IRF2: variants seen among roughly 807,000 people sequenced by gnomAD.
IRF2 encodes the protein interferon regulatory factor 2.
IRF2 carries 15 observed loss-of-function variants against 40.6 expected under a neutral mutation model. The ratio of observed to expected loss-of-function variants is 0.37; its 90% confidence interval spans 0.25 to 0.57. IRF2 has a LOEUF of 0.57. IRF2 is among the 20% of genes least tolerant of loss of function. The pLI, the probability that IRF2 is intolerant of heterozygous loss-of-function variation, is 0.77. For synonymous variants in IRF2, 151 were observed against 165.5 expected, an observed-to-expected ratio of 0.91 and a Z score of 0.67; for missense variants, 317 against 455.7, an observed-to-expected ratio of 0.70 and a Z score of 2.77.
chr4:184,424,558 G>A (rs549628148), intron 2 of IRF2, among the ~76,000 whole-genome samples: 3 of 152,274 alleles, frequency 2.0e-5, no homozygotes, highest in African/African-American at 4.8e-5. Flanking sequence ...TAGCACGTGA[G>A]CATGCTCTTT....
intron 5 of IRF2, among the ~76,000 whole-genome samples, chr4:184,416,362 G>A (rs1291681914): frequency 2.2e-5 from 3 of 135,510 alleles, no homozygotes; most frequent in African/African-American, 5.6e-5. Flanking sequence ...AAAACTGTGA[G>A]AAACGATATG....
At chr4:184,459,052 G>A (rs1429189844) in intron 1 of IRF2, among the ~76,000 whole-genome samples, 2 of 151,784 alleles carry the variant, frequency 1.3e-5, no homozygotes, top group Non-Finnish European at 2.9e-5. Context: ...ATGTTACTCT[G>A]AGGCTGTTTT....
At position 184,474,533 on chromosome 4, in the gene IRF2, A is replaced by T. The variant is rs539791454; in HGVS notation, c.-161T>A. 6.6e-6 allele frequency: 1 copy of T among 152,638 alleles called. No individual in the cohort carries two copies. Among genetic ancestry groups the T allele is most frequent in the Non-Finnish European group, 1.5e-5 (1 of 68,280 alleles). 9.5% of individuals were successfully genotyped at this position (152,638 alleles called of 1,614,324 possible). ...GCTTGCCTGAGAACAGTCCAGATCG[A>T]AAGCAAAACAAGGAGAGGAAACTGC... On this transcript the variant is annotated 5_prime_UTR_variant, in exon 1 of 9. Transcript: ENST00000393593. This position sits in a 1 kb window ranked among gnomAD's most constrained non-coding sequence, Gnocchi z 5.6.
At chr4:184,398,164 C>A (rs544203783) in intron 7 of IRF2, among the ~76,000 whole-genome samples, 1 of 152,316 alleles carries the variant, frequency 6.6e-6, no homozygotes, top group South Asian at 2.1e-4. Context: ...CAAACACTTG[C>A]TGACTGTACG....
intron 1 of IRF2, among the ~76,000 whole-genome samples, chr4:184,444,675 T>C (rs931204143): frequency 1.3e-5 from 2 of 152,248 alleles, no homozygotes; most frequent in African/African-American, 4.8e-5. Flanking sequence ...GTATTGGGAC[T>C]ACAGCAGATT....
intron 1 of IRF2, among the ~76,000 whole-genome samples, chr4:184,457,847 T>C (rs535813834): frequency 1.8e-4 from 23 of 125,268 alleles, no homozygotes; most frequent in African/African-American, 5.8e-4. Flanking sequence ...TCAAAAACCT[T>C]CCAAAAAAAA....
rs1554014184 is a variant in IRF2 at position 184,419,570 on chromosome 4, T to TG, written c.88-3dup. ...GGGGATCTGAAAAATCTTCTTTTCC[T>TG]GAAAAAAAAAAAAAAAAAAAAGGTA... On this transcript the variant is annotated splice_polypyrimidine_tract_variant and splice_region_variant and intron_variant, in intron 2 of 8. Coordinates refer to ENST00000393593, the MANE Select transcript of IRF2 (RefSeq NM_002199.4). 5 of 820,054 alleles carry TG rather than the reference T, an allele frequency of 6.1e-6. No individual in the cohort carries two copies. The highest frequency in any genetic ancestry group is 5.6e-5 in the South Asian group (3 of 53,584). The allele number at this position is 820,054 out of a possible 1,614,324, so 50.8% of individuals were successfully genotyped here.
At chr4:184,456,666 G>A (rs1330134392) in intron 1 of IRF2, among the ~76,000 whole-genome samples, 1 of 152,248 alleles carries the variant, frequency 6.6e-6, no homozygotes, top group African/African-American at 2.4e-5. Flanking sequence ...GGGTGCCTGA[G>A]CCCAGGGGCA....
In IRF2 at chr4:184,413,922, C is replaced by A. The variant is rs898704976; in HGVS notation, c.411+4245G>T. On this transcript the variant is annotated intron_variant, in intron 5 of 8. Coordinates refer to ENST00000393593, the MANE Select transcript of IRF2 (RefSeq NM_002199.4). This position sits in a 1 kb window ranked among gnomAD's most constrained non-coding sequence, Gnocchi z 4.2. Reference sequence around the variant, plus strand: ...AGACAAACCAACTGTAATCTCCAGGCCTTCATTCCTGATGCCCCTAGTGCT... The same window carrying A: ...AGACAAACCAACTGTAATCTCCAGGACTTCATTCCTGATGCCCCTAGTGCT... Among the ~76,000 whole-genome samples the A allele has an allele frequency of 4.6e-5, 7 of 152,222 alleles. No homozygotes were observed. Among genetic ancestry groups the A allele is most frequent in the Non-Finnish European group, 1.0e-4 (7 of 68,038 alleles).
At position 184,388,552 on chromosome 4, in the gene IRF2, AG is replaced by A. The variant is rs1736136380; in HGVS notation, c.*205del. On this transcript the variant is annotated 3_prime_UTR_variant, in exon 9 of 9. Coordinates refer to ENST00000393593, the MANE Select transcript of IRF2 (RefSeq NM_002199.4). The surrounding 1 kb of genome is among the most constrained non-coding windows in gnomAD (Gnocchi z 4.6). ...AGCCCTGGGAGATCCAGCAGGCTCT[AG>A]AAACACACGTCTACCAATGGGCTGG... 1 of 563,668 alleles carries A rather than the reference AG, an allele frequency of 1.8e-6. No homozygotes were observed. Among genetic ancestry groups the A allele is most frequent in the Non-Finnish European group, 3.1e-6 (1 of 326,762 alleles). The allele number at this position is 563,668 out of a possible 1,614,324, so 34.9% of individuals were successfully genotyped here.
chr4:184,473,530 G>A (rs1393006487), intron 1 of IRF2, among the ~76,000 whole-genome samples: 1 of 147,838 alleles, frequency 6.8e-6, no homozygotes, highest in African/African-American at 2.4e-5. Flanking sequence ...GGCCCGACCG[G>A]GCGCTGGCCG....
At chr4:184,397,633 G>T (rs987081366) in intron 7 of IRF2, among the ~76,000 whole-genome samples, 1 of 152,184 alleles carries the variant, frequency 6.6e-6, no homozygotes, top group Non-Finnish European at 1.5e-5. Flanking sequence ...TCCAACGCTG[G>T]TCGGAGCCAG....
intron 7 of IRF2, among the ~76,000 whole-genome samples, chr4:184,396,554 C>A (rs915681054): frequency 6.6e-6 from 1 of 151,830 alleles, no homozygotes; most frequent in Non-Finnish European, 1.5e-5. Context: ...CCTGCCTCAG[C>A]CTTCCAAGTG....
chr4:184,468,009 T>C (rs190941392), intron 1 of IRF2, among the ~76,000 whole-genome samples: 107 of 152,302 alleles, frequency 7.0e-4, no homozygotes, highest in Middle Eastern at 3.4e-3. Flanking sequence ...CACACCTGCT[T>C]CTCATCTGCA....
At chr4:184,446,535 A>C (rs1262120104) in intron 1 of IRF2, among the ~76,000 whole-genome samples, 1 of 152,210 alleles carries the variant, frequency 6.6e-6, no homozygotes, top group Non-Finnish European at 1.5e-5. Context: ...AAATTATATT[A>C]TATACCAGGG....
At chr4:184,422,123 TA>T (rs1737504288) in intron 2 of IRF2, among the ~76,000 whole-genome samples, 1 of 152,172 alleles carries the variant, frequency 6.6e-6, no homozygotes, top group Non-Finnish European at 1.5e-5. Context: ...CCTGAGGCCT[TA>T]ACAGAGGCAG....
chr4:184,424,975 A>C (rs1220563998), intron 2 of IRF2, among the ~76,000 whole-genome samples: 1 of 152,208 alleles, frequency 6.6e-6, no homozygotes, highest in African/African-American at 2.4e-5. Context: ...AACAATTTTG[A>C]CAGAGGGCCT....
intron 1 of IRF2, among the ~76,000 whole-genome samples, chr4:184,466,368 A>G (rs1027802096): frequency 2.0e-5 from 3 of 152,118 alleles, no homozygotes. Context: ...TCTGTTCTTT[A>G]GGAAAACACA....
intron 2 of IRF2, among the ~76,000 whole-genome samples, chr4:184,425,610 C>T (rs1003273141): frequency 6.6e-6 from 1 of 152,232 alleles, no homozygotes; most frequent in Admixed American, 6.5e-5. Context: ...GCGGAGGAGC[C>T]CTGTGAGATG....
Sources: gnomAD v4.1 joint callset for allele counts (sites outside exome capture counted in the v4.1 genomes callset) on GRCh38, gnomAD v4.1.1 for gene constraint, Gnocchi (gnomAD v3.1) non-coding constraint, MANE v1.5 for transcripts, NCBI Gene and HGNC (gene_info 2026-07-23, HGNC 2026-07-21) for gene names.